The following AK9 variants were observed in gnomAD, a reference collection of about 807,000 sequenced individuals.
AK9 encodes the protein adenylate kinase 9, also known as adenylate kinase domain containing 1.
Under a neutral mutation model 239.6 loss-of-function variants are expected in AK9, and 191 were observed. The ratio of observed to expected loss-of-function variants is 0.80; its 90% CI spans 0.71 to 0.90. The LOEUF is 0.90. Among genes scored for constraint, AK9 ranks in the 40% least tolerant of loss-of-function variants. The pLI is 0.00. For synonymous variants in AK9, 689 were observed against 721.0 expected (o/e 0.96, Z 0.71); for missense variants, 1,995 against 2,214.7 (o/e 0.90, Z 1.99).
At chr6:109,549,540 T>C in intron 25 of AK9, 1 of 152,456 alleles carries the variant, frequency 6.6e-6, no homozygotes. Context: ...TTGTTTTATT[T>C]TTATTTCAGC....
chr6:109,660,779 C>CTAA (rs1377375427), intron 6 of AK9, among the ~76,000 whole-genome samples: 1 of 152,126 alleles, frequency 6.6e-6, no homozygotes, highest in East Asian at 1.9e-4. Context: ...CTTTGCAACA[C>CTAA]TAATAGCTGG....
rs557708665 is a variant in AK9 at position 109,516,812 on chromosome 6, T to G, written c.3634-170A>C. Among the ~76,000 whole-genome samples, 16 of 152,350 alleles carry G rather than the reference T, an allele frequency of 1.1e-4. 1 individual carries two copies. In the South Asian group the frequency reaches 3.1e-3, roughly 30 times the overall value. On this transcript the variant is annotated intron_variant, in intron 29 of 40. Coordinates refer to ENST00000424296, the MANE Select transcript of AK9 (RefSeq NM_001145128.3). Reference sequence around the variant, plus strand: ...TAAATATCTGACACTTTTGGGGGTGTTATAGAACACTTTTTTGTCACGTTG... The same window carrying G: ...TAAATATCTGACACTTTTGGGGGTGGTATAGAACACTTTTTTGTCACGTTG...
chr6:109,631,854 A>C (rs1483612090), intron 12 of AK9: 1 of 152,258 alleles, frequency 6.6e-6, no homozygotes, highest in East Asian at 1.9e-4. Flanking sequence ...TATAATGTTA[A>C]GTGAAAGAAG....
chr6:109,676,336 C>T (rs891259201), intron 1 of AK9, among the ~76,000 whole-genome samples: 1 of 152,020 alleles, frequency 6.6e-6, no homozygotes, highest in Admixed American at 6.5e-5. Context: ...GATTTCTAGG[C>T]ACAGAAGCTT....
rs532702382 is a variant in AK9, at chr6:109,492,975, T to A, written c.*394A>T. On this transcript the variant is annotated 3_prime_UTR_variant, in exon 41 of 41. Coordinates refer to ENST00000424296, the MANE Select transcript of AK9 (RefSeq NM_001145128.3). ...CATATTTTGGTTTCATTTATAACAA[T>A]GTTAAATGTCTTAAAGCTTTCTAAC... 73 of 159,030 alleles carry A rather than the reference T, an allele frequency of 4.6e-4. No homozygotes were observed. Among genetic ancestry groups the A allele is most frequent in the Non-Finnish European group, 8.2e-4 (59 of 72,386 alleles). The allele number at this position is 159,030 out of a possible 1,614,324, so 9.9% of individuals were successfully genotyped here.
At chr6:109,688,111 G>A (rs1376188335) in intron 1 of AK9, among the ~76,000 whole-genome samples, 1 of 152,178 alleles carries the variant, frequency 6.6e-6, no homozygotes, top group Non-Finnish European at 1.5e-5. Flanking sequence ...TACTGCTGCT[G>A]AATGTTCTAC....
At chr6:109,577,853 TCTTTTTC>T (rs1408500341) in intron 20 of AK9, among the ~76,000 whole-genome samples, 54 of 151,120 alleles carry the variant, frequency 3.6e-4, no homozygotes, top group African/African-American at 1.3e-3. Flanking sequence ...CCTTCCTCTC[TCTTTTTC>T]TTTCTTTCTT....
chr6:109,518,647 G>T (rs1410192328), intron 29 of AK9, among the ~76,000 whole-genome samples: 1 of 151,626 alleles, frequency 6.6e-6, no homozygotes, highest in African/African-American at 2.4e-5. Flanking sequence ...TTAACAATTT[G>T]GTTAGGATCC....
chr6:109,549,721 A>C (rs979941383), intron 25 of AK9: 2 of 128,428 alleles, frequency 1.6e-5, no homozygotes, highest in African/African-American at 5.8e-5. Context: ...GCTGGAGCGC[A>C]GTGGCGCGAT....
intron 12 of AK9, 106 bp downstream of exon 12, chr6:109,632,817 A>C: frequency 7.2e-7 from 1 of 1,381,120 alleles, no homozygotes. Context: ...GAGTACAAAT[A>C]AAATCCTACA....
At chr6:109,546,863 C>T (rs781773808) in intron 25 of AK9, among the ~76,000 whole-genome samples, 19 of 152,170 alleles carry the variant, frequency 1.2e-4, no homozygotes, top group African/African-American at 2.7e-4. Flanking sequence ...ACCAGTTAAA[C>T]GTCTCGCAAC....
chr6:109,600,500 T>C (rs900913478), intron 17 of AK9, among the ~76,000 whole-genome samples: 1 of 152,216 alleles, frequency 6.6e-6, no homozygotes, highest in African/African-American at 2.4e-5. Context: ...TTGAGGATTT[T>C]TGCATCGATG....
intron 24 of AK9, among the ~76,000 whole-genome samples, chr6:109,562,031 T>C (rs1785843620): frequency 6.6e-6 from 1 of 152,182 alleles, no homozygotes; most frequent in Non-Finnish European, 1.5e-5. Context: ...GATCTGACAC[T>C]CAAAGAAAAT....
At chr6:109,551,896 C>T (rs116440087) in intron 24 of AK9, among the ~76,000 whole-genome samples, 3,199 of 152,016 alleles carry the variant, frequency 0.021, 101 homozygotes, top group African/African-American at 0.074. Flanking sequence ...CCCAACAGGC[C>T]CTGGTGTGTG....
intron 24 of AK9, among the ~76,000 whole-genome samples, chr6:109,554,895 T>C (rs1202449817): frequency 6.6e-6 from 1 of 152,156 alleles, no homozygotes; most frequent in Non-Finnish European, 1.5e-5. Flanking sequence ...ATTGTGTCTG[T>C]TTGATTCCTC....
intron 21 of AK9, among the ~76,000 whole-genome samples, chr6:109,572,155 G>A (rs1787493613): frequency 6.6e-6 from 1 of 152,098 alleles, no homozygotes; most frequent in South Asian, 2.1e-4. Context: ...TTATTTCTTG[G>A]GTGAAATAAT....
intron 21 of AK9, among the ~76,000 whole-genome samples, chr6:109,566,578 A>G (rs185675230): frequency 6.6e-6 from 1 of 152,310 alleles, no homozygotes; most frequent in Admixed American, 6.5e-5. Flanking sequence ...TAACTGAAAT[A>G]AGAAAACAAT....
At chr6:109,495,798 C>T (rs192352512) in intron 38 of AK9, among the ~76,000 whole-genome samples, 39 of 152,198 alleles carry the variant, frequency 2.6e-4, no homozygotes, top group African/African-American at 9.4e-4. Flanking sequence ...GCAGAGCTAC[C>T]CACTTGTTCT....
intron 36 of AK9, 132 bp from the exon 37 acceptor site, chr6:109,498,097 A>G: frequency 8.8e-6 from 7 of 798,110 alleles, no homozygotes; most frequent in Non-Finnish European, 1.4e-5. Context: ...AACTGTAAAT[A>G]ACCTCTCCTC....
Sources: gnomAD v4.1 joint callset for allele counts (sites outside exome capture counted in the v4.1 genomes callset) on GRCh38, gnomAD v4.1.1 for gene constraint, MANE v1.5 for transcripts, NCBI Gene and HGNC (gene_info 2026-07-23, HGNC 2026-07-21) for gene names.